The following ADAM20 variants were observed in gnomAD, a reference collection of about 807,000 sequenced individuals.
ADAM20 encodes the protein ADAM metallopeptidase domain 20, also known as disintegrin and metalloproteinase domain-containing protein 20.
For synonymous variants in ADAM20, 305 were observed against 310.2 expected, an observed-to-expected ratio of 0.98 and a Z score of 0.18; for missense variants, 871 against 883.2, an observed-to-expected ratio of 0.99 and a Z score of 0.18.
chr14:70,545,852 T>C, the ADAM20 span, among the ~76,000 whole-genome samples: 5 of 152,230 alleles, frequency 3.3e-5, no homozygotes, highest in African/African-American at 4.8e-5. Flanking sequence ...ACCTGCAGTA[T>C]GGATCAAATG....
chr14:70,579,023 T>C, the ADAM20 span, among the ~76,000 whole-genome samples: 2 of 152,162 alleles, frequency 1.3e-5, no homozygotes, highest in African/African-American at 4.8e-5. Context: ...ATTATTTGAT[T>C]CACTTTTATG....
At chr14:70,572,975 T>G in the ADAM20 span, among the ~76,000 whole-genome samples, 1 of 152,066 alleles carries the variant, frequency 6.6e-6, no homozygotes, top group East Asian at 1.9e-4. Context: ...TGCTTATAAA[T>G]TGTTGGTAGA....
chr14:70,562,969 A>T, the ADAM20 span, among the ~76,000 whole-genome samples: 1 of 152,228 alleles, frequency 6.6e-6, no homozygotes, highest in African/African-American at 2.4e-5. Context: ...TCTAAATTAC[A>T]TCTATTTCAA....
intron 1 of ADAM20, among the ~76,000 whole-genome samples, chr14:70,532,957 C>G (rs1346206661): frequency 6.6e-6 from 1 of 152,112 alleles, no homozygotes; most frequent in Admixed American, 6.5e-5. Context: ...CATCACTAAT[C>G]ATGAGAAAAT....
chr14:70,568,218 A>C, the ADAM20 span, among the ~76,000 whole-genome samples: 6 of 152,210 alleles, frequency 3.9e-5, no homozygotes, highest in Non-Finnish European at 7.3e-5. Context: ...ATACATCGCT[A>C]CAACAATCAG....
chr14:70,557,506 T>C, the ADAM20 span: 1 of 152,268 alleles, frequency 6.6e-6, no homozygotes, highest in African/African-American at 2.4e-5. Flanking sequence ...CTTACACTTT[T>C]ATCAGAGTAC....
rs950347050 is a variant in ADAM20, at chr14:70,534,246, C to A, written c.-177+551G>T. The stretch of plus-strand genomic sequence containing the variant: ...CTCATGCTTAAAAAAAATGTGACTT[C>A]CAATGCTGGAGGTAGGAAAGTAAAA... On this transcript the variant is annotated intron_variant, in intron 1 of 1. Transcript: ENST00000256389. Among the ~76,000 whole-genome samples, 89 of 151,968 alleles carry A rather than the reference C, an allele frequency of 5.9e-4. 1 individual carries two copies. Among genetic ancestry groups the A allele is most frequent in the African/African-American group, 2.1e-3 (86 of 41,368 alleles).
At chr14:70,538,723 A>G (rs548631946), upstream of ADAM20, among the ~76,000 whole-genome samples, 1 of 152,344 alleles carries the variant, frequency 6.6e-6, no homozygotes, top group Non-Finnish European at 1.5e-5. Flanking sequence ...GAGGTGGATA[A>G]GTACTTCTCA....
Position 70,524,774 on chromosome 14 carries a change from TG to T in ADAM20, c.-18del. The T allele has an allele frequency of 6.2e-7, 1 of 1,613,866 alleles. No individual in the cohort carries two copies. Among genetic ancestry groups the T allele is most frequent in the Non-Finnish European group, 8.5e-7 (1 of 1,179,940 alleles). On this transcript the variant is annotated 5_prime_UTR_variant, in exon 2 of 2. An upstream open reading frame in the 5' UTR loses its in-frame stop. Transcript: ENST00000256389. ...CACTGCCATTATGAAGCTGTCATTATGGAGCCATCTGTCTAGAGCAGAAGAG... is the reference window on the plus strand; with the variant it reads ...CACTGCCATTATGAAGCTGTCATTATGAGCCATCTGTCTAGAGCAGAAGAG...
At chr14:70,541,054 G>C in the ADAM20 span, among the ~76,000 whole-genome samples, 1 of 151,998 alleles carries the variant, frequency 6.6e-6, no homozygotes, top group African/African-American at 2.4e-5. Context: ...GCCTCCCAAA[G>C]TGCTGGGATT....
chr14:70,571,619 C>T, the ADAM20 span, among the ~76,000 whole-genome samples: 2 of 152,134 alleles, frequency 1.3e-5, no homozygotes, highest in African/African-American at 4.8e-5. Context: ...CAACATAGTA[C>T]TGAAAGTCCT....
At chr14:70,563,375 C>A in the ADAM20 span, among the ~76,000 whole-genome samples, 1 of 152,142 alleles carries the variant, frequency 6.6e-6, no homozygotes, top group Non-Finnish European at 1.5e-5. Flanking sequence ...GATGGCAGAG[C>A]AGGAACTCTG....
the ADAM20 span, among the ~76,000 whole-genome samples, chr14:70,561,784 T>C: frequency 1.3e-5 from 2 of 152,238 alleles, no homozygotes; most frequent in African/African-American, 2.4e-5. Flanking sequence ...CCACATGGTG[T>C]TGGGCCTGCA....
the ADAM20 span, among the ~76,000 whole-genome samples, chr14:70,541,201 G>C: frequency 1.3e-5 from 2 of 152,298 alleles, no homozygotes; most frequent in African/African-American, 4.8e-5. Context: ...TTGTCTGAAG[G>C]TCACGAAAAA....
chr14:70,546,061 T>C, the ADAM20 span, among the ~76,000 whole-genome samples: 3 of 152,190 alleles, frequency 2.0e-5, no homozygotes, highest in South Asian at 2.1e-4. Context: ...TTTTGGAAAC[T>C]GTACAAACAT....
At chr14:70,534,107 AACACAC>A (rs1197757697) in intron 1 of ADAM20, among the ~76,000 whole-genome samples, 13 of 128,004 alleles carry the variant, frequency 1.0e-4, no homozygotes, top group Admixed American at 3.8e-4. Context: ...AAAAAAAAAA[AACACAC>A]ACACACACAC....
chr14:70,565,165 C>T, the ADAM20 span, among the ~76,000 whole-genome samples: 1 of 150,072 alleles, frequency 6.7e-6, no homozygotes, highest in Non-Finnish European at 1.5e-5. Context: ...CAACAGCAAA[C>T]TTTTATCAAG....
At chr14:70,526,899 C>T (rs1417237095) in intron 1 of ADAM20, among the ~76,000 whole-genome samples, 1 of 152,178 alleles carries the variant, frequency 6.6e-6, no homozygotes, top group Admixed American at 6.6e-5. Context: ...TTGTGTTTCT[C>T]AAACTCAGGT....
upstream of ADAM20, among the ~76,000 whole-genome samples, chr14:70,538,295 A>G (rs1466578567): frequency 6.6e-6 from 1 of 152,074 alleles, no homozygotes; most frequent in East Asian, 1.9e-4. Context: ...TCCATGTCTG[A>G]TTTGTCACAG....
Sources: gnomAD v4.1 joint callset for allele counts (sites outside exome capture counted in the v4.1 genomes callset) on GRCh38, gnomAD v4.1.1 for gene constraint, MANE v1.5 for transcripts, NCBI Gene and HGNC (gene_info 2026-07-23, HGNC 2026-07-21) for gene names.